The following ZCCHC7 variants were observed in gnomAD, a reference collection of about 807,000 sequenced individuals.
ZCCHC7 encodes the protein zinc finger CCHC domain-containing protein 7.
A neutral mutation model predicts 52.0 loss-of-function variants in ZCCHC7; 35 were observed. That is an observed-to-expected ratio of 0.67 (90% CI 0.51 to 0.89). The LOEUF (loss-of-function observed/expected upper bound fraction) is 0.89, where lower values mean the gene tolerates loss of function less well. Among genes scored for constraint, ZCCHC7 ranks in the 40% least tolerant of loss-of-function variants. The probability of loss-of-function intolerance (pLI) is 0.00; values close to 1 mark genes in which losing one functional copy is unlikely to be tolerated. For missense variants in ZCCHC7, 574 were observed against 649.1 expected, an observed-to-expected ratio of 0.88 and a Z score of 1.26; for synonymous variants, 217 against 221.5, an observed-to-expected ratio of 0.98 and a Z score of 0.18.
intron 2 of ZCCHC7, among the ~76,000 whole-genome samples, chr9:37,244,807 A>T (rs894331274): frequency 6.6e-6 from 1 of 151,270 alleles, no homozygotes; most frequent in Non-Finnish European, 1.5e-5. Context: ...CCAGTGTTGA[A>T]TTTTTTTTTA....
intron 2 of ZCCHC7, among the ~76,000 whole-genome samples, chr9:37,193,256 T>C (rs1173173781): frequency 6.6e-6 from 1 of 152,212 alleles, no homozygotes; most frequent in Non-Finnish European, 1.5e-5. Context: ...GAAAGTGTTT[T>C]AATAAGCAAT....
intron 2 of ZCCHC7, among the ~76,000 whole-genome samples, chr9:37,266,051 T>C (rs1017354435): frequency 6.6e-6 from 1 of 152,146 alleles, no homozygotes; most frequent in Admixed American, 6.5e-5. Flanking sequence ...TACTTCTTCT[T>C]TAAGGTCAGA....
chr9:37,228,045 C>T (rs1384152863), intron 2 of ZCCHC7, among the ~76,000 whole-genome samples: 2 of 152,144 alleles, frequency 1.3e-5, no homozygotes, highest in Non-Finnish European at 2.9e-5. Context: ...GATCCACCTG[C>T]GTCGGACTCT....
intron 2 of ZCCHC7, among the ~76,000 whole-genome samples, chr9:37,203,915 C>T (rs965573444): frequency 1.3e-5 from 2 of 152,202 alleles, no homozygotes; most frequent in Admixed American, 1.3e-4. Flanking sequence ...CTAATTTACG[C>T]TCCCACTAGC....
At position 37,188,205 on chromosome 9, in the gene ZCCHC7, C is replaced by T. The variant is rs187617905; in HGVS notation, c.610+61263C>T. ...TCATTCTGTCTCCCAGCGTGAAGTG[C>T]AGTGGTGTGATCACAACTCACTGCT... On this transcript the variant is annotated intron_variant, in intron 2 of 8. Transcript: ENST00000336755. Among the ~76,000 whole-genome samples, 11 of 152,176 alleles carry T rather than the reference C, an allele frequency of 7.2e-5. No homozygotes were observed. The East Asian group carries it at 1.7e-3, about 24-fold the overall frequency.
At chr9:37,253,146 AC>A (rs1826411758) in intron 2 of ZCCHC7, among the ~76,000 whole-genome samples, 1 of 152,054 alleles carries the variant, frequency 6.6e-6, no homozygotes, top group African/African-American at 2.4e-5. Context: ...CGGCAAGAAA[AC>A]TGTTTTTTGG....
intron 6 of ZCCHC7, among the ~76,000 whole-genome samples, chr9:37,340,207 TC>T (rs1820540733): frequency 6.6e-6 from 1 of 152,120 alleles, no homozygotes; most frequent in Non-Finnish European, 1.5e-5. Flanking sequence ...TAGGAGTAAA[TC>T]CGTGGCGTGG....
At chr9:37,155,631 G>A (rs1820776183) in intron 2 of ZCCHC7, among the ~76,000 whole-genome samples, 1 of 152,188 alleles carries the variant, frequency 6.6e-6, no homozygotes, top group Non-Finnish European at 1.5e-5. Context: ...GGCCATTGGT[G>A]TTCTGAGAAA....
At chr9:37,237,778 C>T (rs929463554) in intron 2 of ZCCHC7, among the ~76,000 whole-genome samples, 1 of 152,112 alleles carries the variant, frequency 6.6e-6, no homozygotes, top group African/African-American at 2.4e-5. Flanking sequence ...CTCAGGAAAA[C>T]AGTGGGGACA....
At chr9:37,305,515 A>G in intron 4 of ZCCHC7, 29 bp from the exon 5 acceptor site, 1 of 1,610,914 alleles carries the variant, frequency 6.2e-7, no homozygotes, top group Non-Finnish European at 8.5e-7. Flanking sequence ...TTGAGACTGA[A>G]GAGATTTTAT....
chr9:37,189,501 G>A (rs191652585), intron 2 of ZCCHC7, among the ~76,000 whole-genome samples: 61 of 152,112 alleles, frequency 4.0e-4, no homozygotes, highest in East Asian at 2.3e-3. Flanking sequence ...ATTCTCCTGC[G>A]TCAGTCTCCC....
At chr9:37,321,582 A>G (rs1402460825) in intron 5 of ZCCHC7, among the ~76,000 whole-genome samples, 1 of 152,088 alleles carries the variant, frequency 6.6e-6, no homozygotes, top group Non-Finnish European at 1.5e-5. Flanking sequence ...TAGGCACCAT[A>G]GTGAGACTCC....
chr9:37,129,981 G>A (rs1842703677), intron 2 of ZCCHC7, among the ~76,000 whole-genome samples: 1 of 152,288 alleles, frequency 6.6e-6, no homozygotes, highest in South Asian at 2.1e-4. Context: ...GCTCACGCCT[G>A]TAATCCCAAC....
At chr9:37,291,490 A>G (rs1229554830) in intron 2 of ZCCHC7, among the ~76,000 whole-genome samples, 2 of 152,092 alleles carry the variant, frequency 1.3e-5, no homozygotes, top group Non-Finnish European at 2.9e-5. Flanking sequence ...ATATTTTATG[A>G]TATTTGTGCA....
chr9:37,307,242 A>G lies in ZCCHC7; in HGVS notation c.951+1528A>G, dbSNP rs558705871. On this transcript the variant is annotated intron_variant, in intron 5 of 8. Coordinates refer to ENST00000336755, the MANE Select transcript of ZCCHC7 (RefSeq NM_032226.3). ...ATATGGAGTTTAGTCATAATTTCAA[A>G]GACCAGAGGGCTGTTGAAATAAGCA... Among the ~76,000 whole-genome samples the G allele has an allele frequency of 1.4e-4, 21 of 152,336 alleles. No homozygotes were observed. In the South Asian group the frequency reaches 4.3e-3, roughly 32 times the overall value.
chr9:37,130,304 AG>A (rs1328439194), intron 2 of ZCCHC7, among the ~76,000 whole-genome samples: 1 of 143,078 alleles, frequency 7.0e-6, no homozygotes, highest in African/African-American at 2.6e-5. Flanking sequence ...GACAGAATAT[AG>A]GAAGCTAAGT....
chr9:37,164,069 G>T (rs368758990), intron 2 of ZCCHC7, among the ~76,000 whole-genome samples: 1 of 151,980 alleles, frequency 6.6e-6, no homozygotes, highest in Admixed American at 6.6e-5. Flanking sequence ...AAGTTAGATA[G>T]TGTTAATCCT....
chr9:37,293,997 A>G (rs1015813055), intron 2 of ZCCHC7, among the ~76,000 whole-genome samples: 3 of 152,186 alleles, frequency 2.0e-5, no homozygotes, highest in Non-Finnish European at 2.9e-5. Context: ...TTAAAATAAG[A>G]TGAACATTTT....
At chr9:37,319,860 T>C (rs1424529044) in intron 5 of ZCCHC7, among the ~76,000 whole-genome samples, 4 of 152,238 alleles carry the variant, frequency 2.6e-5, no homozygotes, top group South Asian at 2.1e-4. Context: ...GGTTGACCAA[T>C]TGTTCTAACA....
Sources: allele counts gnomAD v4.1 joint callset (sites outside exome capture counted in the v4.1 genomes callset), GRCh38; gene constraint gnomAD v4.1.1; transcripts MANE v1.5; gene names NCBI Gene and HGNC (gene_info 2026-07-23, HGNC 2026-07-21).